The following CEP112 variants were observed in gnomAD, a reference collection of about 807,000 sequenced individuals.
CEP112 encodes centrosomal protein 112.
A neutral mutation model predicts 153.0 loss-of-function variants in CEP112; 127 were observed. The observed-to-expected ratio is 0.83, with a 90% CI of 0.72 to 0.96. The LOEUF is 0.96. Among genes scored for constraint, CEP112 ranks in the 40% least tolerant of loss-of-function variants. CEP112 has a pLI of 0.00. For synonymous variants in CEP112, 358 were observed against 374.4 expected (o/e 0.96, Z 0.51); for missense variants, 1,089 against 1,101.2 (o/e 0.99, Z 0.16).
chr17:65,988,246 A>T (rs565501895), intron 17 of CEP112, among the ~76,000 whole-genome samples: 19 of 152,328 alleles, frequency 1.2e-4, no homozygotes, highest in Admixed American at 2.6e-4. Flanking sequence ...CGAGATAAGA[A>T]AGAAAGAAAT....
chr17:65,871,042 T>A (rs559127580), intron 20 of CEP112, among the ~76,000 whole-genome samples: 1 of 152,308 alleles, frequency 6.6e-6, no homozygotes, highest in South Asian at 2.1e-4. Context: ...CACCCACATT[T>A]TATGAGTGTC....
At chr17:66,070,684 CT>C (rs2067279483) in intron 8 of CEP112, among the ~76,000 whole-genome samples, 1 of 151,960 alleles carries the variant, frequency 6.6e-6, no homozygotes, top group African/African-American at 2.4e-5. Flanking sequence ...GAAGGGTATC[CT>C]AGAATTAAAA....
chr17:65,906,849 AT>A (rs1182641196), intron 19 of CEP112, among the ~76,000 whole-genome samples: 1 of 152,184 alleles, frequency 6.6e-6, no homozygotes, highest in African/African-American at 2.4e-5. Flanking sequence ...GAGATGGAAT[AT>A]TTTTAGTTCT....
intron 18 of CEP112, among the ~76,000 whole-genome samples, chr17:65,955,580 C>T (rs1010067047): frequency 6.6e-6 from 1 of 152,082 alleles, no homozygotes; most frequent in African/African-American, 2.4e-5. Context: ...AATTCACCAA[C>T]CAAATTTCTG....
chr17:66,087,001 A>G (rs1386690394), intron 8 of CEP112, among the ~76,000 whole-genome samples: 2 of 152,210 alleles, frequency 1.3e-5, no homozygotes, highest in African/African-American at 4.8e-5. Context: ...AACTTCATCA[A>G]AATAAGTCAG....
chr17:65,835,584 GA>G (rs1454669819), intron 21 of CEP112, among the ~76,000 whole-genome samples: 2 of 152,128 alleles, frequency 1.3e-5, no homozygotes, highest in Admixed American at 1.3e-4. Context: ...GTGGAAAGGA[GA>G]GACTGACAAC....
At chr17:65,971,253 A>G (rs1457228569) in intron 17 of CEP112, among the ~76,000 whole-genome samples, 1 of 152,212 alleles carries the variant, frequency 6.6e-6, no homozygotes, top group East Asian at 1.9e-4. Flanking sequence ...TGCACATCAA[A>G]TGCGTACTGC....
At position 65,769,055 on chromosome 17, in the gene CEP112, A is replaced by T. The variant is rs568680274; in HGVS notation, c.2395-18331T>A. Among the ~76,000 whole-genome samples the T allele has an allele frequency of 2.7e-4, 41 of 152,246 alleles. 1 individual carries two copies. In the South Asian group the frequency reaches 7.3e-3, roughly 27 times the overall value. Reference sequence around the variant, plus strand: ...AAAATCCCAAAGATTGCACACAAAAACCTATTAGATCTAATAAATTAACTC... The same window carrying T: ...AAAATCCCAAAGATTGCACACAAAATCCTATTAGATCTAATAAATTAACTC... On this transcript the variant is annotated intron_variant, in intron 21 of 26. Transcript: ENST00000535342.
intron 24 of CEP112, among the ~76,000 whole-genome samples, chr17:65,655,883 A>G (rs551152980): frequency 1.8e-4 from 27 of 152,344 alleles, no homozygotes; most frequent in African/African-American, 2.6e-4. Flanking sequence ...AGCTAAAACC[A>G]TATTACAGAG....
intron 21 of CEP112, among the ~76,000 whole-genome samples, chr17:65,775,612 C>T (rs2053633337): frequency 6.6e-6 from 1 of 152,188 alleles, no homozygotes; most frequent in African/African-American, 2.4e-5. Context: ...AATCTATTCT[C>T]CTGTCTCAGC....
intron 23 of CEP112, among the ~76,000 whole-genome samples, chr17:65,733,275 T>G (rs2050617034): frequency 2.0e-5 from 3 of 152,134 alleles, no homozygotes; most frequent in Non-Finnish European, 4.4e-5. Flanking sequence ...ATGGGTGCAG[T>G]TTGTGGCACC....
At chr17:66,105,229 C>T (rs765973699) in intron 6 of CEP112, among the ~76,000 whole-genome samples, 9 of 152,030 alleles carry the variant, frequency 5.9e-5, no homozygotes, top group South Asian at 4.2e-4. Flanking sequence ...TAATATAATG[C>T]GTTAAATTAC....
chr17:66,053,983 A>C, intron 11 of CEP112, 104 bp from the exon 12 acceptor site: 1 of 790,514 alleles, frequency 1.3e-6, no homozygotes, highest in Non-Finnish European at 1.9e-6. Flanking sequence ...TATATATATG[A>C]TGACCTGAAC....
chr17:65,697,301 C>G (rs1290949443), intron 23 of CEP112, among the ~76,000 whole-genome samples: 1 of 152,150 alleles, frequency 6.6e-6, no homozygotes, highest in East Asian at 1.9e-4. Context: ...GGGTGACTCT[C>G]ATTTAAACCT....
At chr17:66,177,161 T>G in intron 2 of CEP112, 141 bp from the exon 3 acceptor site, 2 of 626,580 alleles carry the variant, frequency 3.2e-6, no homozygotes, top group Non-Finnish European at 5.2e-6. Context: ...AGTATATACT[T>G]TAGGCTTCAC....
At chr17:66,000,425 T>G (rs1331366525) in intron 17 of CEP112, among the ~76,000 whole-genome samples, 2 of 150,574 alleles carry the variant, frequency 1.3e-5, no homozygotes, top group Admixed American at 1.3e-4. Flanking sequence ...AATCAATGTC[T>G]GGGCGGGGTG....
chr17:65,993,101 C>T (rs1168461094), intron 17 of CEP112, among the ~76,000 whole-genome samples: 1 of 152,104 alleles, frequency 6.6e-6, no homozygotes, highest in East Asian at 1.9e-4. Flanking sequence ...CCCACCTCAC[C>T]CCCTAACAGG....
intron 21 of CEP112, among the ~76,000 whole-genome samples, chr17:65,850,312 GTCT>G (rs2057883812): frequency 6.6e-6 from 1 of 151,976 alleles, no homozygotes; most frequent in Non-Finnish European, 1.5e-5. Flanking sequence ...TGGTCTTGTA[GTCT>G]TCTTCCTTTC....
intron 17 of CEP112, among the ~76,000 whole-genome samples, chr17:65,970,381 GCATATATATTACATGCATGCACACAT>G (rs1568313642): frequency 4.8e-5 from 3 of 62,744 alleles, no homozygotes; most frequent in Non-Finnish European, 1.1e-4. Context: ...CACACATCAT[GCATATATATTACATGCATGCACACAT>G]CATGCATGTA....
Sources: allele counts gnomAD v4.1 joint callset (sites outside exome capture counted in the v4.1 genomes callset), GRCh38; gene constraint gnomAD v4.1.1; transcripts MANE v1.5; gene names NCBI Gene and HGNC (gene_info 2026-07-23, HGNC 2026-07-21).